Variants in CDK14 observed in about 807,000 individuals in gnomAD.
CDK14 encodes the protein cyclin-dependent kinase 14.
CDK14 carries 34 observed loss-of-function variants against 60.7 expected under a neutral mutation model. The observed-to-expected ratio is 0.56, with a 90% CI of 0.43 to 0.75. The LOEUF is 0.75. CDK14 is among the 30% of genes least tolerant of loss of function. The pLI, the probability that CDK14 is intolerant of heterozygous loss-of-function variation, is 0.00. For synonymous variants in CDK14, 197 were observed against 203.7 expected, an observed-to-expected ratio of 0.97 and a Z score of 0.28; for missense variants, 482 against 564.1, an observed-to-expected ratio of 0.85 and a Z score of 1.47.
At chr7:90,793,983 A>C (rs566215010) in intron 5 of CDK14, among the ~76,000 whole-genome samples, 1 of 152,260 alleles carries the variant, frequency 6.6e-6, no homozygotes, top group South Asian at 2.1e-4. Context: ...ATTCAACATG[A>C]GTCCTTTTCT....
At chr7:90,891,092 A>G (rs571888375) in intron 6 of CDK14, among the ~76,000 whole-genome samples, 2 of 152,206 alleles carry the variant, frequency 1.3e-5, no homozygotes, top group Non-Finnish European at 1.5e-5. Flanking sequence ...TGTCATTGCC[A>G]TAAAATTTGG....
chr7:91,145,984 T>C (rs1800623693), intron 14 of CDK14, among the ~76,000 whole-genome samples: 1 of 152,116 alleles, frequency 6.6e-6, no homozygotes, highest in South Asian at 2.1e-4. Flanking sequence ...ACAGATTAAA[T>C]ATCCTTTTAT....
chr7:90,642,147 A>ATGAGTGAATTGTAT (rs1800353169), intron 2 of CDK14, among the ~76,000 whole-genome samples: 1 of 152,234 alleles, frequency 6.6e-6, no homozygotes, highest in South Asian at 2.1e-4. Context: ...TACACTTCAA[A>ATGAGTGAATTGTAT]TGAGTGAATT....
Position 91,157,444 on chromosome 7 carries a change from A to G in CDK14, c.*28+39236A>G, listed in dbSNP as rs548854967. The stretch of plus-strand genomic sequence containing the variant: ...TCATTTTCTTCATTTACAAGTATGA[A>G]TGATACTGCTAATCTTACAAAGCTG... On this transcript the variant is annotated intron_variant, in intron 14 of 14. Coordinates refer to ENST00000380050, the MANE Select transcript of CDK14 (RefSeq NM_001287135.2). Among the ~76,000 whole-genome samples, 7 of 152,344 alleles carry G rather than the reference A, an allele frequency of 4.6e-5. No homozygotes were observed. The South Asian group carries it at 1.2e-3, about 27-fold the overall frequency.
intron 14 of CDK14, among the ~76,000 whole-genome samples, chr7:91,145,271 C>T (rs1453764026): frequency 1.3e-5 from 2 of 152,144 alleles, no homozygotes; most frequent in Non-Finnish European, 2.9e-5. Context: ...TGCCTTATTT[C>T]TTTAGACATA....
chr7:90,761,855 T>C (rs1215956112), intron 4 of CDK14, among the ~76,000 whole-genome samples: 3 of 152,194 alleles, frequency 2.0e-5, no homozygotes, highest in South Asian at 2.1e-4. Context: ...AGTAACTCTC[T>C]ACTGTGTTCT....
intron 14 of CDK14, among the ~76,000 whole-genome samples, chr7:91,124,506 C>CT (rs532460764): frequency 5.1e-4 from 75 of 147,752 alleles, no homozygotes; most frequent in East Asian, 2.6e-3. Flanking sequence ...CCTTTCTTTC[C>CT]TTTTTTTTTT....
At chr7:90,731,509 A>C (rs1802865362) in intron 3 of CDK14, among the ~76,000 whole-genome samples, 1 of 151,886 alleles carries the variant, frequency 6.6e-6, no homozygotes, top group Non-Finnish European at 1.5e-5. Flanking sequence ...TTGTCCTCTT[A>C]TTTCTTTCAG....
chr7:90,689,810 C>G (rs1408866756), intron 2 of CDK14, among the ~76,000 whole-genome samples: 1 of 152,024 alleles, frequency 6.6e-6, no homozygotes, highest in East Asian at 1.9e-4. Context: ...ACTTTGAAGA[C>G]ATAAAACACA....
chr7:91,198,213 C>G (rs1434501911), intron 14 of CDK14, among the ~76,000 whole-genome samples: 1 of 152,178 alleles, frequency 6.6e-6, no homozygotes, highest in African/African-American at 2.4e-5. Flanking sequence ...GTGTTCCCAC[C>G]TGTGTTCAGC....
intron 10 of CDK14, among the ~76,000 whole-genome samples, chr7:91,012,426 A>C (rs982743514): frequency 8.5e-5 from 13 of 152,182 alleles, no homozygotes; most frequent in Non-Finnish European, 1.5e-4. Flanking sequence ...CTCTTGGTAC[A>C]GATTTCTCCT....
chr7:90,779,984 G>A lies in CDK14; in HGVS notation c.465-10589G>A, dbSNP rs1045152192. On this transcript the variant is annotated intron_variant, in intron 4 of 14. Coordinates refer to ENST00000380050, the MANE Select transcript of CDK14 (RefSeq NM_001287135.2). ...TTTTTCCCCTTGAAGTTGATTTGTTGAAGAAACAGATTAATTTCTCCTATA... is the reference window on the plus strand; with the variant it reads ...TTTTTCCCCTTGAAGTTGATTTGTTAAAGAAACAGATTAATTTCTCCTATA... Among the ~76,000 whole-genome samples, 2 of 152,102 alleles carry A rather than the reference G, an allele frequency of 1.3e-5. 1 individual carries two copies. The highest frequency in any genetic ancestry group is 2.9e-5 in the Non-Finnish European group (2 of 67,994).
intron 2 of CDK14, among the ~76,000 whole-genome samples, chr7:90,687,190 G>A (rs1268187789): frequency 6.6e-6 from 1 of 152,110 alleles, no homozygotes; most frequent in Non-Finnish European, 1.5e-5. Context: ...TGAGTGGGCT[G>A]TAAAATGTAA....
rs1307709951 is a variant in CDK14, at chr7:90,596,667, G to A, written c.40G>A (p.Gly14Ser). ...LIEPQPAEKIGKMKKLRRTLS... is the reference protein window; with the variant it reads ...LIEPQPAEKISKMKKLRRTLS... ...TGAGCCGCAGCCGGCCGAGAAGATC[G>A]GCAAGATGAAGAAGTTGCGGAGAAC... The change falls in exon 1 of 15, where the codon GGC becomes AGC. Residue 14 changes from glycine (G) to serine (S), a missense_variant. Physicochemically the swap from Gly to Ser is moderately conservative, Grantham distance 56. Coordinates refer to ENST00000380050, the MANE Select transcript of CDK14 (RefSeq NM_001287135.2). The A allele has an allele frequency of 6.2e-7, 1 of 1,612,184 alleles. No homozygotes were observed. Among genetic ancestry groups the A allele is most frequent in the African/African-American group, 1.3e-5 (1 of 74,988 alleles).
intron 2 of CDK14, among the ~76,000 whole-genome samples, chr7:90,607,246 C>T (rs963034722): frequency 2.6e-5 from 4 of 152,140 alleles, no homozygotes; most frequent in African/African-American, 9.7e-5. Context: ...CTTCTCTCTC[C>T]TGGAGCTGGG....
chr7:90,777,384 G>T (rs1367153170), intron 4 of CDK14, among the ~76,000 whole-genome samples: 1 of 152,202 alleles, frequency 6.6e-6, no homozygotes, highest in Non-Finnish European at 1.5e-5. Context: ...GTAAAAAGGC[G>T]ACTTCAGTTT....
intron 3 of CDK14, among the ~76,000 whole-genome samples, chr7:90,730,379 G>A (rs572744648): frequency 5.0e-4 from 76 of 152,178 alleles, no homozygotes; most frequent in African/African-American, 1.8e-3. Context: ...CCAGTAATGG[G>A]ATTGCTGGGT....
At chr7:91,058,677 A>G (rs1246583923) in intron 11 of CDK14, among the ~76,000 whole-genome samples, 1 of 152,070 alleles carries the variant, frequency 6.6e-6, no homozygotes, top group Non-Finnish European at 1.5e-5. Context: ...GGTTTTTGTC[A>G]TTGGTTCTGT....
intron 14 of CDK14, among the ~76,000 whole-genome samples, chr7:91,167,387 T>C (rs749843858): frequency 6.6e-6 from 1 of 152,224 alleles, no homozygotes; most frequent in Non-Finnish European, 1.5e-5. Flanking sequence ...ACATTTCAAG[T>C]TGCAATTCAC....
Sources: gnomAD v4.1 joint callset for allele counts (sites outside exome capture counted in the v4.1 genomes callset) on GRCh38, gnomAD v4.1.1 for gene constraint, MANE v1.5 for transcripts, NCBI Gene and HGNC (gene_info 2026-07-23, HGNC 2026-07-21) for gene names.